The following PHACTR4 variants were observed in gnomAD, a reference collection of about 807,000 sequenced individuals.
PHACTR4 encodes protein phosphatase 1, regulatory subunit 124.
In PHACTR4, 51 loss-of-function variants were observed where a neutral mutation model predicts 72.7. The observed-to-expected ratio is 0.70, with a 90% confidence interval of 0.56 to 0.89. The LOEUF (loss-of-function observed/expected upper bound fraction) is 0.89. Ranked by LOEUF, PHACTR4 falls within the 40% of genes least tolerant of loss-of-function variation. PHACTR4 has a pLI of 0.00. For synonymous variants in PHACTR4, 255 were observed against 302.5 expected (o/e 0.84, Z 1.63); for missense variants, 731 against 861.8 (o/e 0.85, Z 1.90).
chr1:28,439,096 G>T (rs1656822734), intron 2 of PHACTR4, among the ~76,000 whole-genome samples: 1 of 152,070 alleles, frequency 6.6e-6, no homozygotes, highest in Non-Finnish European at 1.5e-5. Context: ...TCCTAATCTT[G>T]TAGGGTTTTA....
rs978519846 is a variant in PHACTR4 at position 28,473,768 on chromosome 1, A to G, written c.1038A>G (p.Pro346=). 2 of 1,613,754 alleles carry G rather than the reference A, an allele frequency of 1.2e-6. No individual in the cohort carries two copies. The highest frequency in any genetic ancestry group is 1.7e-5 in the Admixed American group (1 of 59,938). ...PMISPRSPSP[P]LPTHIPPEPP... ...TCTCACCTCGCTCTCCGTCCCCCCC[A>G]CTGCCTACTCATATACCTCCAGAGC... Residue 346 remains proline, a synonymous_variant, in exon 7 of 14, where the codon CCA becomes CCG. Transcript: ENST00000373839.
intron 2 of PHACTR4, among the ~76,000 whole-genome samples, chr1:28,411,028 T>C (rs1569864433): frequency 6.6e-6 from 1 of 151,768 alleles, no homozygotes; most frequent in Non-Finnish European, 1.5e-5. Context: ...TTTATTTTTA[T>C]TTTTTTGGTT....
At chr1:28,401,559 G>A (rs1653948003) in intron 1 of PHACTR4, among the ~76,000 whole-genome samples, 1 of 151,868 alleles carries the variant, frequency 6.6e-6, no homozygotes, top group South Asian at 2.1e-4. Context: ...TGCCCGCCTT[G>A]GCCTCCCAAA....
At chr1:28,446,635 C>T (rs570752702) in intron 2 of PHACTR4, among the ~76,000 whole-genome samples, 351 of 152,148 alleles carry the variant, frequency 2.3e-3, no homozygotes, top group Non-Finnish European at 4.2e-3. Context: ...AAAAATTAGC[C>T]GGGCATGGTG....
chr1:28,433,647 G>A (rs1329646726), intron 2 of PHACTR4, among the ~76,000 whole-genome samples: 2 of 151,290 alleles, frequency 1.3e-5, no homozygotes, highest in Middle Eastern at 3.4e-3. Context: ...TAGTAGAGAC[G>A]GAGTTTTTCC....
chr1:28,468,576 G>C (rs375787952), intron 6 of PHACTR4, among the ~76,000 whole-genome samples: 1 of 152,070 alleles, frequency 6.6e-6, no homozygotes, highest in Non-Finnish European at 1.5e-5. Flanking sequence ...TGAGCAACAA[G>C]AGCAAAACTC....
intron 2 of PHACTR4, among the ~76,000 whole-genome samples, chr1:28,455,042 G>C (rs1160120570): frequency 6.6e-6 from 1 of 150,964 alleles, no homozygotes; most frequent in Non-Finnish European, 1.5e-5. Flanking sequence ...TTTTGTTGTT[G>C]TATTTTTAAT....
chr1:28,475,562 C>G (rs1659864861), intron 7 of PHACTR4, among the ~76,000 whole-genome samples: 1 of 152,088 alleles, frequency 6.6e-6, no homozygotes, highest in Admixed American at 6.6e-5. Context: ...TAGACAAATT[C>G]TGGAAAGCAC....
intron 2 of PHACTR4, among the ~76,000 whole-genome samples, chr1:28,426,443 G>A (rs1251085081): frequency 6.6e-6 from 1 of 152,032 alleles, no homozygotes; most frequent in African/African-American, 2.4e-5. Context: ...TGGATCACGA[G>A]GTCAGGAGAT....
intron 10 of PHACTR4, 85 bp downstream of exon 10, chr1:28,489,310 T>C: frequency 4.3e-6 from 5 of 1,168,748 alleles, no homozygotes; most frequent in African/African-American, 1.6e-5. Flanking sequence ...AAAGAAGCGT[T>C]TGCTACAAGG....
chr1:28,442,462 C>CAAA (rs1337844147), intron 2 of PHACTR4, among the ~76,000 whole-genome samples: 2 of 110,082 alleles, frequency 1.8e-5, no homozygotes, highest in African/African-American at 8.1e-5. Context: ...GACTCTGTCT[C>CAAA]AAAAAAAAAG....
chr1:28,392,552 A>G (rs2124199848), intron 1 of PHACTR4, among the ~76,000 whole-genome samples: 1 of 151,916 alleles, frequency 6.6e-6, no homozygotes, highest in Admixed American at 6.6e-5. Flanking sequence ...ACAGATGTGC[A>G]TCACCATGCC....
At position 28,440,394 on chromosome 1, in the gene PHACTR4, C is replaced by CTTT. The variant is rs1223295576; in HGVS notation, c.17-18674_17-18672dup. Among the ~76,000 whole-genome samples, 27 of 83,232 alleles carry CTTT rather than the reference C, an allele frequency of 3.2e-4. 5 individuals are homozygous for CTTT. The highest frequency in any genetic ancestry group is 4.8e-4 in the African/African-American group (10 of 20,908). 54.6% of individuals were successfully genotyped at this position (83,232 alleles called of 152,430 possible). ...AAAGTAAGAATCAAATTCATCAATT[C>CTTT]TTTTTTTTTTTTTTTTTTTGAGACG... On this transcript the variant is annotated intron_variant, in intron 2 of 13. Coordinates refer to ENST00000373839, the MANE Select transcript of PHACTR4 (RefSeq NM_001048183.3).
At chr1:28,487,341 G>A (rs1660718486) in intron 9 of PHACTR4, among the ~76,000 whole-genome samples, 1 of 151,800 alleles carries the variant, frequency 6.6e-6, no homozygotes, top group Admixed American at 6.6e-5. Flanking sequence ...ATTCCAGCCT[G>A]GGCGGCAGAG....
chr1:28,468,018 C>T (rs1429902537), intron 6 of PHACTR4, among the ~76,000 whole-genome samples: 1 of 152,112 alleles, frequency 6.6e-6, no homozygotes, highest in Non-Finnish European at 1.5e-5. Flanking sequence ...AAAAACTATA[C>T]TCATTAAATA....
At chr1:28,470,159 G>A (rs931458286) in intron 6 of PHACTR4, among the ~76,000 whole-genome samples, 15 of 152,050 alleles carry the variant, frequency 9.9e-5, no homozygotes, top group Admixed American at 2.0e-4. Flanking sequence ...TGGGGAGGCC[G>A]AGGTGGGAAG....
At chr1:28,464,886 T>C (rs930299384) in intron 4 of PHACTR4, among the ~76,000 whole-genome samples, 4 of 151,972 alleles carry the variant, frequency 2.6e-5, no homozygotes, top group Admixed American at 2.0e-4. Context: ...GTATTTTTAG[T>C]AGAGACAAGG....
intron 2 of PHACTR4, among the ~76,000 whole-genome samples, chr1:28,450,518 T>A (rs1657865380): frequency 6.6e-6 from 1 of 152,194 alleles, no homozygotes; most frequent in African/African-American, 2.4e-5. Flanking sequence ...TCTTAGTCCT[T>A]TATTAGTATA....
intron 2 of PHACTR4, among the ~76,000 whole-genome samples, chr1:28,411,513 C>G (rs1180608920): frequency 6.6e-6 from 1 of 152,070 alleles, no homozygotes; most frequent in Non-Finnish European, 1.5e-5. Flanking sequence ...TAGTTGTTTA[C>G]TATACATATA....
Sources: gnomAD v4.1 joint callset for allele counts (sites outside exome capture counted in the v4.1 genomes callset) on GRCh38, gnomAD v4.1.1 for gene constraint, MANE v1.5 for transcripts, NCBI Gene and HGNC (gene_info 2026-07-23, HGNC 2026-07-21) for gene names.